Variants in RRP7A observed in about 807,000 individuals in gnomAD.
RRP7A encodes the protein ribosomal RNA processing 7 homolog A.
A neutral mutation model predicts 38.4 loss-of-function variants in RRP7A; 27 were observed. The ratio of observed to expected loss-of-function variants is 0.70; its 90% CI spans 0.52 to 0.97. The LOEUF is 0.97. Ranked by LOEUF, RRP7A falls within the 50% of genes least tolerant of loss-of-function variation. The probability of loss-of-function intolerance (pLI) is 0.00; values close to 1 mark genes in which losing one functional copy is unlikely to be tolerated. For synonymous variants in RRP7A, 124 were observed against 150.3 expected (o/e 0.83, Z 1.28); for missense variants, 327 against 375.4 (o/e 0.87, Z 1.07).
intron 3 of RRP7A, 86 bp from the exon 4 acceptor site, chr22:42,515,354 G>A (rs964478417): frequency 4.6e-5 from 34 of 736,108 alleles, no homozygotes; most frequent in Non-Finnish European, 8.1e-5. Context: ...CTAGGTGGTA[G>A]CTACACCAGG....
At chr22:42,517,050 G>C (rs1350246411) in intron 2 of RRP7A, among the ~76,000 whole-genome samples, 1 of 152,104 alleles carries the variant, frequency 6.6e-6, no homozygotes, top group East Asian at 1.9e-4. Context: ...GGCTGAAGGG[G>C]GCGGATTACT....
rs2003672 is a variant in RRP7A at position 42,510,832 on chromosome 22, C to T, written c.*2078G>A. 0.23 allele frequency: 280,166 copies of T among 1,208,344 alleles called. 28,879 individuals are homozygous for T. Among genetic ancestry groups the T allele is most frequent in the African/African-American group, 0.4 (24,868 of 62,646 alleles). 74.9% of individuals were successfully genotyped at this position (1,208,344 alleles called of 1,614,324 possible). A position where few individuals can be genotyped will look rare whatever the true frequency, so the allele number is the denominator to read the frequency against. On this transcript the variant is annotated 3_prime_UTR_variant, in exon 7 of 7. Coordinates refer to ENST00000323013, the MANE Select transcript of RRP7A (RefSeq NM_015703.5). ...GAAAGACCCCTGGTCTGCCCCCAGG[C>T]CCAACAAGTGACCACCAGGATCTAT...
At chr22:42,514,937 T>C (rs1424152089) in intron 4 of RRP7A, among the ~76,000 whole-genome samples, 158 bp from the exon 5 acceptor site, 1 of 150,818 alleles carries the variant, frequency 6.6e-6, no homozygotes, top group East Asian at 1.9e-4. Context: ...TCGCTCTGCC[T>C]GCCCAGTATG....
Position 42,516,088 on chromosome 22 carries a change from C to A in RRP7A, c.265G>T (p.Glu89Ter). The A allele has an allele frequency of 6.2e-7, 1 of 1,613,920 alleles. No individual in the cohort carries two copies. Among genetic ancestry groups the A allele is most frequent in the South Asian group, 1.1e-5 (1 of 91,074 alleles). The change falls in exon 3 of 7, where the codon GAG becomes TAG. Residue 89 changes from glutamate (E) to a stop codon, truncating the protein, a stop_gained. Transcript: ENST00000323013. LOFTEE classifies it high-confidence loss of function. ...LSTCGLVQSV[E>*]LQEKPDLAES... ...GCCAGGTCCGGCTTCTCCTGCAACT[C>A]TACAGACTGGACGAGGCCACAGGTG... is the stretch of plus-strand genomic sequence containing the variant.
rs562148324 is a variant in RRP7A, at chr22:42,517,209, C to T, written c.216+796G>A. Among the ~76,000 whole-genome samples, 439 of 151,730 alleles carry T rather than the reference C, an allele frequency of 2.9e-3. 2 individuals carry two copies. Among genetic ancestry groups the T allele is most frequent in the African/African-American group, 9.5e-3 (395 of 41,366 alleles). On this transcript the variant is annotated intron_variant, in intron 2 of 6. Transcript: ENST00000323013. ...AGGAGAATCACTTGAACCCGGGAAGCGGAGGTTGCAGTGAGTTGTGAACGC... is the reference window on the plus strand; with the variant it reads ...AGGAGAATCACTTGAACCCGGGAAGTGGAGGTTGCAGTGAGTTGTGAACGC...
rs533768276 is a variant in RRP7A at position 42,511,100 on chromosome 22, C to G, written c.*1810G>C. On this transcript the variant is annotated 3_prime_UTR_variant, in exon 7 of 7. Coordinates refer to ENST00000323013, the MANE Select transcript of RRP7A (RefSeq NM_015703.5). ...CTCACTGCAGCCTCAAACTCCTGGG[C>G]TCAAATGATCCTCCCACCTCAGCCA... is the stretch of plus-strand genomic sequence containing the variant. The G allele has an allele frequency of 6.2e-4, 95 of 153,424 alleles. No homozygotes were observed. The South Asian group carries it at 8.8e-3, about 14-fold the overall frequency. 9.5% of individuals were successfully genotyped at this position (153,424 alleles called of 1,614,324 possible).
intron 1 of RRP7A, chr22:42,518,608 C>T (rs1569261858): frequency 2.1e-6 from 1 of 467,660 alleles, no homozygotes; most frequent in South Asian, 1.6e-5. Context: ...TTCCCTCCCG[C>T]TCACCTCAGG....
intron 2 of RRP7A, among the ~76,000 whole-genome samples, chr22:42,517,294 T>TAAAC (rs1920932858): frequency 1.3e-5 from 1 of 77,572 alleles, no homozygotes; most frequent in Admixed American, 1.6e-4. Context: ...ATAAATTAAA[T>TAAAC]AAATAAATAA....
chr22:42,517,525 TTC>T (rs1468368066), intron 2 of RRP7A, among the ~76,000 whole-genome samples: 2 of 152,112 alleles, frequency 1.3e-5, no homozygotes, highest in African/African-American at 2.4e-5. Context: ...TTGTACTTTT[TTC>T]TCTTTTTTTT....
chr22:42,516,175 A>T, intron 2 of RRP7A, 39 bp from the exon 3 acceptor site: 1 of 1,608,868 alleles, frequency 6.2e-7, no homozygotes, highest in Non-Finnish European at 8.5e-7. Flanking sequence ...GAGCATCCGC[A>T]GGGCCATCCC....
rs1363143158 is a variant in RRP7A, at chr22:42,510,788, ATCTCT to A, written c.*2117_*2121del. 8.9e-5 allele frequency: 122 copies of A among 1,368,248 alleles called. No homozygotes were observed. The highest frequency in any genetic ancestry group is 1.1e-4 in the Non-Finnish European group (120 of 1,045,378). 84.8% of individuals were successfully genotyped at this position (1,368,248 alleles called of 1,614,324 possible). ...CGCCCACTCTGGTCCCACCTCACCC[ATCTCT>A]TCTCATGCACTGGGAAAGACCCCTG... On this transcript the variant is annotated 3_prime_UTR_variant, in exon 7 of 7. Coordinates refer to ENST00000323013, the MANE Select transcript of RRP7A (RefSeq NM_015703.5).
intron 3 of RRP7A, among the ~76,000 whole-genome samples, chr22:42,515,687 G>C (rs1290742657): frequency 6.6e-6 from 1 of 152,154 alleles, no homozygotes; most frequent in African/African-American, 2.4e-5. Context: ...AGTGCTCCTG[G>C]AGACCCGGCC....
chr22:42,516,206 G>T (rs761572498), intron 2 of RRP7A, 70 bp from the exon 3 acceptor site: 3 of 1,592,792 alleles, frequency 1.9e-6, no homozygotes, highest in Non-Finnish European at 2.6e-6. Context: ...TGCACCATGG[G>T]TGGCGCTGCC....
rs956822663 is a variant in RRP7A at position 42,512,034 on chromosome 22, G to A, written c.*876C>T. 9.5e-6 allele frequency: 9 copies of A among 949,392 alleles called. No individual in the cohort carries two copies. Among genetic ancestry groups the A allele is most frequent in the African/African-American group, 4.8e-5 (3 of 62,248 alleles). 58.8% of individuals were successfully genotyped at this position (949,392 alleles called of 1,614,324 possible). Reference sequence around the variant, plus strand: ...CTGACCTGCAGGGAGCTGGAATGCTGTGGGAGGGCCCTGACCCCGGGGCCC... The same window carrying A: ...CTGACCTGCAGGGAGCTGGAATGCTATGGGAGGGCCCTGACCCCGGGGCCC... On this transcript the variant is annotated 3_prime_UTR_variant, in exon 7 of 7. Coordinates refer to ENST00000323013, the MANE Select transcript of RRP7A (RefSeq NM_015703.5).
Position 42,511,708 on chromosome 22 carries a change from T to C in RRP7A, c.*1202A>G, listed in dbSNP as rs1352147506. On this transcript the variant is annotated 3_prime_UTR_variant, in exon 7 of 7. Coordinates refer to ENST00000323013, the MANE Select transcript of RRP7A (RefSeq NM_015703.5). ...AGAAGCCCACCTGTGGCTGGCTGGCTGGCCGCCAGGTCAGAGCCAAGGCAG... is the reference window on the plus strand; with the variant it reads ...AGAAGCCCACCTGTGGCTGGCTGGCCGGCCGCCAGGTCAGAGCCAAGGCAG... The C allele has an allele frequency of 1.2e-5, 2 of 169,614 alleles. No homozygotes were observed. Among genetic ancestry groups the C allele is most frequent in the Non-Finnish European group, 1.3e-5 (1 of 79,046 alleles). The allele number at this position is 169,614 out of a possible 1,614,324, so 10.5% of individuals were successfully genotyped here. A position where few individuals can be genotyped will look rare whatever the true frequency, so the allele number is the denominator to read the frequency against.
Position 42,511,454 on chromosome 22 carries a change from T to A in RRP7A, c.*1456A>T, listed in dbSNP as rs1348228082. On this transcript the variant is annotated 3_prime_UTR_variant, in exon 7 of 7. Transcript: ENST00000323013. ...CCTCCCAAAGTGCTGGTTTTGCAGA[T>A]GGGAGCCACCATGCCCAGCCTAGTC... 1 of 152,928 alleles carries A rather than the reference T, an allele frequency of 6.5e-6. No individual in the cohort carries two copies. Among genetic ancestry groups the A allele is most frequent in the African/African-American group, 2.4e-5 (1 of 41,450 alleles). The allele number at this position is 152,928 out of a possible 1,614,324, so 9.5% of individuals were successfully genotyped here.
chr22:42,516,086 C>T lies in RRP7A; in HGVS notation c.267G>A (p.Glu89=). The T allele has an allele frequency of 6.2e-7, 1 of 1,613,790 alleles. No individual in the cohort carries two copies. Among genetic ancestry groups the T allele is most frequent in the Non-Finnish European group, 8.5e-7 (1 of 1,179,828 alleles). The part of the protein sequence containing the change: ...LSTCGLVQSV[E]LQEKPDLAES... ...CAGCCAGGTCCGGCTTCTCCTGCAA[C>T]TCTACAGACTGGACGAGGCCACAGG... is the stretch of plus-strand genomic sequence containing the variant. Residue 89 remains glutamate, a synonymous_variant, in exon 3 of 7, where the codon GAG becomes GAA. Transcript: ENST00000323013.
chr22:42,512,920 C>G lies in RRP7A; in HGVS notation c.833G>C (p.Arg278Pro). The change falls in exon 7 of 7, where the codon CGA becomes CCA. Residue 278 changes from arginine (R) to proline (P), a missense_variant. Physicochemically the swap from Arg to Pro is moderately radical, Grantham distance 103 (BLOSUM62 -2). Coordinates refer to ENST00000323013, the MANE Select transcript of RRP7A (RefSeq NM_015703.5). ...TGCGGCTCTCACAGCTCAGTACGGT[C>G]GGAATTTGCGCTGGGCCCGCAGCAG... ...IELLRAQRKF[R>P]PY 1 of 1,613,440 alleles carries G rather than the reference C, an allele frequency of 6.2e-7. No individual in the cohort carries two copies. The highest frequency in any genetic ancestry group is 1.1e-5 in the South Asian group (1 of 91,002).
In RRP7A at chr22:42,515,203, C is replaced by T; in HGVS notation, c.408G>A (p.Lys136=). The T allele has an allele frequency of 4.3e-6, 6 of 1,409,878 alleles. 2 individuals carry two copies. The highest frequency in any genetic ancestry group is 5.8e-6 in the Non-Finnish European group (6 of 1,027,750). The allele number at this position is 1,409,878 out of a possible 1,614,324, so 87.3% of individuals were successfully genotyped here. A position where few individuals can be genotyped will look rare whatever the true frequency, so the allele number is the denominator to read the frequency against. ...PSGVSAALAL[K]GPLLVSTESH... ...TCTCTGTGGACACCAGCAGGGGGCC[C>T]TTCAGGGCCAAGGCCGCTGACACCC... Residue 136 remains lysine, a synonymous_variant, in exon 4 of 7, where the codon AAG becomes AAA. Coordinates refer to ENST00000323013, the MANE Select transcript of RRP7A (RefSeq NM_015703.5).
Sources: allele counts gnomAD v4.1 joint callset (sites outside exome capture counted in the v4.1 genomes callset), GRCh38; gene constraint gnomAD v4.1.1; transcripts MANE v1.5; gene names NCBI Gene and HGNC (gene_info 2026-07-23, HGNC 2026-07-21).